SOX13: variants seen among roughly 807,000 people sequenced by gnomAD.
SOX13 encodes the protein transcription factor SOX-13.
Under a neutral mutation model 71.8 loss-of-function variants are expected in SOX13, and 28 were observed. The ratio of observed to expected loss-of-function variants is 0.39; its 90% CI spans 0.29 to 0.53. SOX13 has a LOEUF of 0.53. Ranked by LOEUF, SOX13 falls within the 20% of genes least tolerant of loss-of-function variation. The probability of loss-of-function intolerance (pLI) is 0.70; values close to 1 mark genes in which losing one functional copy is unlikely to be tolerated. For synonymous variants in SOX13, 309 were observed against 317.8 expected (o/e 0.97, Z 0.29); for missense variants, 627 against 810.3 (o/e 0.77, Z 2.75).
At chr1:204,093,392 C>T (rs1038232269) in intron 1 of SOX13, among the ~76,000 whole-genome samples, 2 of 152,154 alleles carry the variant, frequency 1.3e-5, no homozygotes, top group South Asian at 2.1e-4. Context: ...ATGAAGCCAC[C>T]GTATTCACAA....
intron 4 of SOX13, chr1:204,116,115 C>A: frequency 8.5e-7 from 1 of 1,178,598 alleles, no homozygotes; most frequent in Non-Finnish European, 1.1e-6. Flanking sequence ...GAATTTGACC[C>A]CAGACCTGTC....
chr1:204,121,805 C>A, intron 7 of SOX13, 95 bp from the exon 8 acceptor site: 1 of 859,944 alleles, frequency 1.2e-6, no homozygotes, highest in Non-Finnish European at 1.9e-6. Flanking sequence ...CAGTGCCGAG[C>A]CATTGCCCAT....
Position 204,123,697 on chromosome 1 carries a change from A to G in SOX13, c.1268A>G (p.His423Arg), listed in dbSNP as rs764741785. The change falls in exon 12 of 14, where the codon CAC becomes CGC. Residue 423 changes from histidine (H) to arginine (R), a missense_variant. His to Arg is a conservative substitution (Grantham distance 29). This residue lies in a region of SOX13 where 447 missense variants were observed against 532.2 expected (regional missense o/e 0.84). Transcript: ENST00000367204. This position sits in a 1 kb window ranked among gnomAD's most constrained non-coding sequence, Gnocchi z 5.0. ...TTCCCCGAGTCCCGAAACAGCAGCC[A>G]CATCAAGAGGCCCATGAACGCCTTC... Reference protein sequence around the residue: ...RHFPESRNSSHIKRPMNAFMV... With the variant: ...RHFPESRNSSRIKRPMNAFMV... 3 of 1,614,108 alleles carry G rather than the reference A, an allele frequency of 1.9e-6. No homozygotes were observed. The highest frequency in any genetic ancestry group is 2.5e-6 in the Non-Finnish European group (3 of 1,180,004).
At chr1:204,097,704 A>AAAAG (rs1553296382) in intron 1 of SOX13, among the ~76,000 whole-genome samples, 2 of 151,584 alleles carry the variant, frequency 1.3e-5, no homozygotes, top group Admixed American at 6.6e-5. Flanking sequence ...AAAAAAAAAA[A>AAAAG]AAAAGAAAAG....
rs1167363452 is a variant in SOX13, at chr1:204,093,838, CATT to C, written c.-1-19074_-1-19072del. On this transcript the variant is annotated intron_variant, in intron 1 of 13. Transcript: ENST00000367204. ...TGATCACTCAGTAAATAGGCACTGT[CATT>C]ATCTTTCTGATGAGGGGCTTCCATA... 3.3e-5 allele frequency among the ~76,000 whole-genome samples: 5 copies of C among 152,318 alleles called. No individual in the cohort carries two copies. In the East Asian group the frequency reaches 7.7e-4, roughly 24 times the overall value.
intron 1 of SOX13, among the ~76,000 whole-genome samples, chr1:204,104,291 C>T (rs1040029464): frequency 6.6e-6 from 1 of 152,166 alleles, no homozygotes; most frequent in Non-Finnish European, 1.5e-5. Context: ...CCAGACCGGC[C>T]GTGCCCTGGA....
chr1:204,109,025 T>C (rs1656524277), intron 1 of SOX13, among the ~76,000 whole-genome samples: 1 of 152,218 alleles, frequency 6.6e-6, no homozygotes, highest in South Asian at 2.1e-4. Context: ...CCCCCTGCTC[T>C]CGGCCTGGCT....
chr1:204,124,608 C>T, intron 12 of SOX13, 33 bp from the exon 13 acceptor site: 3 of 1,572,926 alleles, frequency 1.9e-6, no homozygotes, highest in Non-Finnish European at 2.6e-6. Flanking sequence ...CAGAGCCCAG[C>T]ACTGACTGCC....
intron 1 of SOX13, among the ~76,000 whole-genome samples, chr1:204,092,226 C>T (rs1031691475): frequency 6.6e-6 from 1 of 152,066 alleles, no homozygotes; most frequent in African/African-American, 2.4e-5. Context: ...CAAGGTCTTG[C>T]TATGTTGCCC....
rs1376428344 is a variant in SOX13 at position 204,119,504 on chromosome 1, G to T, written c.775+1797G>T. 4 of 152,154 alleles carry T rather than the reference G, an allele frequency of 2.6e-5. No individual in the cohort carries two copies. The East Asian group carries it at 7.7e-4, about 29-fold the overall frequency. 9.4% of individuals were successfully genotyped at this position (152,154 alleles called of 1,614,324 possible). On this transcript the variant is annotated intron_variant, in intron 7 of 13. Transcript: ENST00000367204. ...CTCATGACCCAGGCACCTCCCAAAG[G>T]TCCCACCTCCTAAGTCTATCACATT...
intron 7 of SOX13, chr1:204,118,192 C>T (rs1030092017): frequency 6.6e-6 from 1 of 152,108 alleles, no homozygotes; most frequent in African/African-American, 2.4e-5. Context: ...AAGACTGAGG[C>T]AGGAGAATCG....
At chr1:204,106,396 C>T (rs1313478467) in intron 1 of SOX13, among the ~76,000 whole-genome samples, 1 of 152,136 alleles carries the variant, frequency 6.6e-6, no homozygotes, top group Non-Finnish European at 1.5e-5. Context: ...CTGTCACTCT[C>T]TTGTCATTCT....
At chr1:204,112,847 G>T in intron 1 of SOX13, 68 bp from the exon 2 acceptor site, 1 of 1,359,300 alleles carries the variant, frequency 7.4e-7, no homozygotes, top group Non-Finnish European at 1.0e-6. Flanking sequence ...GCAAACAGTA[G>T]GGTCACTGCC....
intron 1 of SOX13, among the ~76,000 whole-genome samples, chr1:204,086,496 G>GC (rs200547831): frequency 2.9e-5 from 3 of 104,840 alleles, no homozygotes; most frequent in African/African-American, 1.1e-4. Context: ...TAGAGAAGGA[G>GC]TTTATCATGT....
intron 1 of SOX13, among the ~76,000 whole-genome samples, chr1:204,098,734 G>A (rs1375952892): frequency 2.0e-5 from 3 of 152,180 alleles, no homozygotes; most frequent in African/African-American, 7.2e-5. Context: ...GGTGATGAAT[G>A]TAAGGGGAGT....
Position 204,123,835 on chromosome 1 carries a change from G to A in SOX13, c.1375+31G>A, listed in dbSNP as rs752920997. On this transcript the variant is annotated intron_variant, in intron 12 of 13. Transcript: ENST00000367204. The surrounding 1 kb of genome is among the most constrained non-coding windows in gnomAD (Gnocchi z 5.0). ...GGCCAGTGGCTGGGGCCATGGTTCA[G>A]TGTGACCTGGTTGCAGGAGCCAGCT... 3.1e-6 allele frequency: 5 copies of A among 1,611,168 alleles called. No individual in the cohort carries two copies. The highest frequency in any genetic ancestry group is 4.2e-6 in the Non-Finnish European group (5 of 1,177,650).
chr1:204,096,093 C>A (rs1389283820), intron 1 of SOX13, among the ~76,000 whole-genome samples: 1 of 151,822 alleles, frequency 6.6e-6, no homozygotes, highest in Non-Finnish European at 1.5e-5. Context: ...GAGTTGTTTC[C>A]CATTTTGGTT....
chr1:204,112,790 G>C, intron 1 of SOX13, 125 bp from the exon 2 acceptor site: 1 of 657,594 alleles, frequency 1.5e-6, no homozygotes. Context: ...TTCTGTGAGT[G>C]TGCCCATGTG....
chr1:204,116,285 G>T lies in SOX13; in HGVS notation c.419-222G>T. The T allele has an allele frequency of 3.3e-6, 5 of 1,507,730 alleles. No individual in the cohort carries two copies. The South Asian group carries it at 4.8e-5, about 15-fold the overall frequency. The allele number at this position is 1,507,730 out of a possible 1,614,324, so 93.4% of individuals were successfully genotyped here. On this transcript the variant is annotated intron_variant, in intron 4 of 13. Transcript: ENST00000367204. The stretch of plus-strand genomic sequence containing the variant: ...CATTTTCAGGGGGCCTGGAATTCAT[G>T]GCTAATAGGGGAGAACTTCTAGGCT...
Sources: gnomAD v4.1 joint callset for allele counts (sites outside exome capture counted in the v4.1 genomes callset) on GRCh38, gnomAD v4.1.1 for gene constraint, gnomAD v4.1.1 regional missense constraint, Gnocchi (gnomAD v3.1) non-coding constraint, MANE v1.5 for transcripts, NCBI Gene and HGNC (gene_info 2026-07-23, HGNC 2026-07-21) for gene names.